The following MIGA2 variants were observed in gnomAD, a reference collection of about 807,000 sequenced individuals.
MIGA2 encodes family with sequence similarity 73, member B.
Under a neutral mutation model 69.9 loss-of-function variants are expected in MIGA2, and 36 were observed. That is an observed-to-expected ratio of 0.52 (90% CI 0.39 to 0.68). MIGA2 has a LOEUF of 0.68. Among genes scored for constraint, MIGA2 ranks in the 30% least tolerant of loss-of-function variants. MIGA2 has a pLI of 0.00. For synonymous variants in MIGA2, 333 were observed against 349.2 expected (o/e 0.95, Z 0.52); for missense variants, 660 against 787.7 (o/e 0.84, Z 1.94).
Position 129,069,556 on chromosome 9 carries a change from GGGCCA to G in MIGA2, c.1459-289_1459-285del. 2 of 530,186 alleles carry G rather than the reference GGGCCA, an allele frequency of 3.8e-6. No individual in the cohort carries two copies. Among genetic ancestry groups the G allele is most frequent in the Non-Finnish European group, 6.8e-6 (2 of 292,770 alleles). The allele number at this position is 530,186 out of a possible 1,614,324, so 32.8% of individuals were successfully genotyped here. Reference sequence around the variant, plus strand: ...CCTGTGGTTTGTCGTTCCCCTCTGCGGGCCAGGCTCTGTTGCCTAGCTGATACCAG... The same window carrying G: ...CCTGTGGTTTGTCGTTCCCCTCTGCGGGCTCTGTTGCCTAGCTGATACCAG... On this transcript the variant is annotated intron_variant, in intron 14 of 15. Transcript: ENST00000684074. The surrounding 1 kb of genome is among the most constrained non-coding windows in gnomAD (Gnocchi z 4.9).
chr9:129,065,991 T>TC (rs1288792716), intron 11 of MIGA2, among the ~76,000 whole-genome samples: 5 of 152,198 alleles, frequency 3.3e-5, no homozygotes, highest in Admixed American at 6.5e-5. Flanking sequence ...GTGTGCCCCA[T>TC]CCAGGGCCTA....
intron 2 of MIGA2, 94 bp downstream of exon 2, chr9:129,040,784 C>A: frequency 8.6e-7 from 1 of 1,163,212 alleles, no homozygotes. Flanking sequence ...AGCCCTCGTT[C>A]TTGCTTTGCC....
rs139819220 is a variant in MIGA2 at position 129,048,517 on chromosome 9, G to A, written c.398G>A (p.Gly133Asp). Reference sequence around the variant, plus strand: ...TCCATTGAGCCCAGCAAGCACTCGGGCTCCTCCCACAGTGTGGCCTCGGTG... The same window carrying A: ...TCCATTGAGCCCAGCAAGCACTCGGACTCCTCCCACAGTGTGGCCTCGGTG... ...ISSIEPSKHS[G>D]SSHSVASMMA... Residue 133 changes from glycine (G) to aspartate (D), a missense_variant, in exon 4 of 16, where the codon GGC (glycine) becomes GAC (aspartate). Coordinates refer to ENST00000684074, the MANE Select transcript of MIGA2 (RefSeq NM_001329990.2). 7 of 1,613,882 alleles carry A rather than the reference G, an allele frequency of 4.3e-6. No individual in the cohort carries two copies. Among genetic ancestry groups the A allele is most frequent in the Non-Finnish European group, 3.4e-6 (4 of 1,179,904 alleles).
Position 129,070,234 on chromosome 9 carries a change from C to T in MIGA2, c.1576-13C>T. The T allele has an allele frequency of 6.2e-7, 1 of 1,608,534 alleles. No individual in the cohort carries two copies. On this transcript the variant is annotated splice_polypyrimidine_tract_variant and intron_variant, in intron 15 of 15. Transcript: ENST00000684074. ...TGGCTGGGCCAGGCCTGACACCAGC[C>T]CTGCTCCCCCAGCACCAGATTGTGC...
chr9:129,040,584 T>C lies in MIGA2; in HGVS notation c.-11T>C, dbSNP rs761388053. 7 of 1,608,366 alleles carry C rather than the reference T, an allele frequency of 4.4e-6. No homozygotes were observed. In the Admixed American group the frequency reaches 6.7e-5, roughly 15 times the overall value. Reference sequence around the variant, plus strand: ...GGCCCTGAGGACTTTGCCTGGGGCATTGGCCCTGCCATGGCGTTCCGGAGG... The same window carrying C: ...GGCCCTGAGGACTTTGCCTGGGGCACTGGCCCTGCCATGGCGTTCCGGAGG... On this transcript the variant is annotated 5_prime_UTR_variant, in exon 2 of 16. Transcript: ENST00000684074.
chr9:129,058,360 G>A lies in MIGA2; in HGVS notation c.676-794G>A, dbSNP rs376993411. 6.7e-5 allele frequency among the ~76,000 whole-genome samples: 10 copies of A among 148,200 alleles called. No homozygotes were observed. In the East Asian group the frequency reaches 1.6e-3, roughly 24 times the overall value. On this transcript the variant is annotated intron_variant, in intron 6 of 15. Coordinates refer to ENST00000684074, the MANE Select transcript of MIGA2 (RefSeq NM_001329990.2). The stretch of plus-strand genomic sequence containing the variant: ...TGAGATTGTGGTTAGATGTGATTGC[G>A]CCACTGCACTGCGGGCTGGGTGACA...
chr9:129,049,923 G>GT lies in MIGA2; in HGVS notation c.635_636insT (p.Leu213ProfsTer13), dbSNP rs1845429962. The GT allele has an allele frequency of 1.1e-5, 17 of 1,613,712 alleles. No individual in the cohort carries two copies. Among genetic ancestry groups the GT allele is most frequent in the Non-Finnish European group, 1.4e-5 (16 of 1,179,990 alleles). On this transcript the variant is annotated frameshift_variant, in exon 6 of 16. Coordinates refer to ENST00000684074, the MANE Select transcript of MIGA2 (RefSeq NM_001329990.2). LOFTEE classifies it high-confidence loss of function. ...GGCAGCACCCCCATGCCCAGGGACGGCCTCCGGAACCCAGAGACTGCATCA... is the reference window on the plus strand; with the variant it reads ...GGCAGCACCCCCATGCCCAGGGACGGTCCTCCGGAACCCAGAGACTGCATCA...
chr9:129,051,895 G>T (rs1235502756), intron 6 of MIGA2, among the ~76,000 whole-genome samples: 2 of 151,280 alleles, frequency 1.3e-5, no homozygotes, highest in African/African-American at 4.9e-5. Flanking sequence ...GTGCGATCTC[G>T]ACTCACTGCA....
Position 129,060,516 on chromosome 9 carries a change from T to C in MIGA2, c.794-34T>C. ...TTCCAGCTGAGCACTGTGTGGGGAG[T>C]CTCAGCCCCGCTTTCTCTCACTGCT... On this transcript the variant is annotated intron_variant, in intron 7 of 15. Coordinates refer to ENST00000684074, the MANE Select transcript of MIGA2 (RefSeq NM_001329990.2). This position sits in a 1 kb window ranked among gnomAD's most constrained non-coding sequence, Gnocchi z 4.8. 2.6e-6 allele frequency: 4 copies of C among 1,518,548 alleles called. No individual in the cohort carries two copies. The Middle Eastern group carries it at 5.1e-4, about 194-fold the overall frequency. 94.1% of individuals were successfully genotyped at this position (1,518,548 alleles called of 1,614,324 possible).
rs770715073 is a variant in MIGA2 at position 129,071,204 on chromosome 9, G to A, written c.*751G>A. ...ACCTCCCTGGGTGGTGCTAGGCTCT[G>A]AGCTGGGGGCTCAGACCAGGGATCG... On this transcript the variant is annotated 3_prime_UTR_variant, in exon 16 of 16. Transcript: ENST00000684074. 1 of 152,372 alleles carries A rather than the reference G, an allele frequency of 6.6e-6. No individual in the cohort carries two copies. The highest frequency in any genetic ancestry group is 1.9e-4 in the East Asian group (1 of 5,184). 9.4% of individuals were successfully genotyped at this position (152,372 alleles called of 1,614,324 possible). A position where few individuals can be genotyped will look rare whatever the true frequency, so the allele number is the denominator to read the frequency against.
At chr9:129,062,393 ATGG>A (rs1846110083) in intron 9 of MIGA2, among the ~76,000 whole-genome samples, 1 of 151,832 alleles carries the variant, frequency 6.6e-6, no homozygotes, top group African/African-American at 2.4e-5. Context: ...TTAGCTGGGC[ATGG>A]TGGCACATAC....
intron 2 of MIGA2, among the ~76,000 whole-genome samples, chr9:129,041,933 G>A (rs1207592630): frequency 6.6e-6 from 1 of 152,184 alleles, no homozygotes; most frequent in Non-Finnish European, 1.5e-5. Flanking sequence ...TCTTCATGTG[G>A]GTGAACCTCA....
Position 129,060,669 on chromosome 9 carries a change from C to G in MIGA2, c.894+19C>G. 1 of 1,559,846 alleles carries G rather than the reference C, an allele frequency of 6.4e-7. No homozygotes were observed. Among genetic ancestry groups the G allele is most frequent in the Non-Finnish European group, 8.7e-7 (1 of 1,150,312 alleles). On this transcript the variant is annotated intron_variant, in intron 8 of 15. Transcript: ENST00000684074. The surrounding 1 kb of genome is among the most constrained non-coding windows in gnomAD (Gnocchi z 4.8). Reference sequence around the variant, plus strand: ...CACCGAGGTGACTCGGGGTGGGGACCAAGCCTGGGGTGGGGTGAAGGCTGG... The same window carrying G: ...CACCGAGGTGACTCGGGGTGGGGACGAAGCCTGGGGTGGGGTGAAGGCTGG...
At chr9:129,044,591 C>G (rs1297335626) in intron 3 of MIGA2, among the ~76,000 whole-genome samples, 1 of 151,934 alleles carries the variant, frequency 6.6e-6, no homozygotes, top group Non-Finnish European at 1.5e-5. Flanking sequence ...CTCACTCTGT[C>G]ACCCAGGCTG....
chr9:129,062,235 A>T (rs907020422), intron 9 of MIGA2, among the ~76,000 whole-genome samples: 2 of 151,422 alleles, frequency 1.3e-5, no homozygotes, highest in South Asian at 4.2e-4. Flanking sequence ...ATGTATGTTT[A>T]AAAGTTTATC....
chr9:129,049,874 A>C lies in MIGA2; in HGVS notation c.586A>C (p.Ser196Arg). The C allele has an allele frequency of 1.9e-6, 3 of 1,613,966 alleles. No homozygotes were observed. Among genetic ancestry groups the C allele is most frequent in the Non-Finnish European group, 2.5e-6 (3 of 1,180,036 alleles). The change falls in exon 6 of 16, where the codon AGC (serine) becomes CGC (arginine). Residue 196 changes from serine to arginine, a missense_variant. Ser to Arg is a moderately radical substitution (Grantham distance 110). Transcript: ENST00000684074. ...EALQKWEQALSVGQRGDSGST... is the reference protein window; with the variant it reads ...EALQKWEQALRVGQRGDSGST... ...TCTGCAGAAGTGGGAGCAGGCACTA[A>C]GCGTGGGCCAGCGGGGGGACAGCGG...
intron 6 of MIGA2, among the ~76,000 whole-genome samples, chr9:129,053,473 C>T (rs2131366207): frequency 6.6e-6 from 1 of 151,476 alleles, no homozygotes; most frequent in Admixed American, 6.6e-5. Flanking sequence ...AAGCGATTCT[C>T]CTGCCTCAGC....
In MIGA2 at chr9:129,060,576, G is replaced by A. The variant is rs1025159056; in HGVS notation, c.820G>A (p.Glu274Lys). ...LERTLMLPLT[E>K]GSLRLRADDE... ...GAGGACCCTCATGCTGCCCCTGACC[G>A]AGGGCTCGCTGCGGCTGCGGGCGGA... Residue 274 changes from glutamate to lysine, a missense_variant, in exon 8 of 16, where the codon GAG becomes AAG. By Grantham distance (56) the Glu-to-Lys change is moderately conservative (BLOSUM62 1). Coordinates refer to ENST00000684074, the MANE Select transcript of MIGA2 (RefSeq NM_001329990.2). This position sits in a 1 kb window ranked among gnomAD's most constrained non-coding sequence, Gnocchi z 4.8. 26 of 1,604,478 alleles carry A rather than the reference G, an allele frequency of 1.6e-5. No individual in the cohort carries two copies. The highest frequency in any genetic ancestry group is 3.4e-5 in the South Asian group (3 of 89,296).
intron 1 of MIGA2, chr9:129,037,138 G>A: frequency 1.2e-6 from 1 of 817,380 alleles, no homozygotes; most frequent in South Asian, 5.6e-5. Context: ...GGGGATGCCC[G>A]GTGCCCGGCA....
Sources: gnomAD v4.1 joint callset for allele counts (sites outside exome capture counted in the v4.1 genomes callset) on GRCh38, gnomAD v4.1.1 for gene constraint, Gnocchi (gnomAD v3.1) non-coding constraint, MANE v1.5 for transcripts, NCBI Gene and HGNC (gene_info 2026-07-23, HGNC 2026-07-21) for gene names.